Variants in MVB12B observed in about 807,000 individuals in gnomAD.
MVB12B encodes multivesicular body subunit 12B.
A neutral mutation model predicts 41.6 loss-of-function variants in MVB12B; 16 were observed. The ratio of observed to expected loss-of-function variants is 0.38; its 90% CI spans 0.26 to 0.58. The LOEUF is 0.58. Ranked by LOEUF, MVB12B falls within the 20% of genes least tolerant of loss-of-function variation. The pLI, the probability that MVB12B is intolerant of heterozygous loss-of-function variation, is 0.62. For missense variants in MVB12B, 274 were observed against 380.2 expected (o/e 0.72, Z 2.32); for synonymous variants, 133 against 139.7 (o/e 0.95, Z 0.34).
chr9:126,432,940 A>G (rs561370511), intron 7 of MVB12B, among the ~76,000 whole-genome samples: 1 of 152,268 alleles, frequency 6.6e-6, no homozygotes, highest in East Asian at 1.9e-4. Context: ...GGGCCCCTGG[A>G]TGATCATCTC....
intron 6 of MVB12B, among the ~76,000 whole-genome samples, chr9:126,399,720 A>T (rs1831215672): frequency 6.6e-6 from 1 of 152,222 alleles, no homozygotes; most frequent in African/African-American, 2.4e-5. Context: ...GTGTCGACCC[A>T]GGAGGAGTCC....
At chr9:126,439,125 T>C (rs1243069221) in intron 7 of MVB12B, among the ~76,000 whole-genome samples, 5 of 152,116 alleles carry the variant, frequency 3.3e-5, no homozygotes, top group African/African-American at 1.2e-4. Context: ...GCAACACTGA[T>C]TGCTCTTCAT....
At chr9:126,369,864 G>A (rs928514745) in intron 2 of MVB12B, among the ~76,000 whole-genome samples, 7 of 152,088 alleles carry the variant, frequency 4.6e-5, no homozygotes, top group African/African-American at 1.7e-4. Context: ...TGTTGGTCAG[G>A]CTGGTCTCGA....
At position 126,333,191 on chromosome 9, in the gene MVB12B, A is replaced by T. The variant is rs997390270; in HGVS notation, c.81+6181A>T. Reference sequence around the variant, plus strand: ...AACCTCCGCCACCCAGGTTCAAGTGATTCTTCTGCCTCAGCCTCCCGAGTA... The same window carrying T: ...AACCTCCGCCACCCAGGTTCAAGTGTTTCTTCTGCCTCAGCCTCCCGAGTA... On this transcript the variant is annotated intron_variant, in intron 1 of 9. Coordinates refer to ENST00000361171, the MANE Select transcript of MVB12B (RefSeq NM_033446.3). This position sits in a 1 kb window ranked among gnomAD's most constrained non-coding sequence, Gnocchi z 4.7. Among the ~76,000 whole-genome samples, 9 of 152,046 alleles carry T rather than the reference A, an allele frequency of 5.9e-5. No homozygotes were observed. Among genetic ancestry groups the T allele is most frequent in the Admixed American group, 2.0e-4 (3 of 15,268 alleles).
chr9:126,355,906 A>G (rs1250001125), intron 2 of MVB12B, among the ~76,000 whole-genome samples: 5 of 152,160 alleles, frequency 3.3e-5, no homozygotes, highest in Non-Finnish European at 4.4e-5. Flanking sequence ...TTATCACCCC[A>G]AAAGGAAATC....
intron 2 of MVB12B, among the ~76,000 whole-genome samples, chr9:126,348,564 C>G (rs755295321): frequency 6.6e-5 from 10 of 152,152 alleles, no homozygotes; most frequent in Non-Finnish European, 1.3e-4. Flanking sequence ...TGACTTGTTC[C>G]GTAGTTGATT....
chr9:126,358,965 A>G (rs1412461151), intron 2 of MVB12B, among the ~76,000 whole-genome samples: 2 of 152,220 alleles, frequency 1.3e-5, no homozygotes, highest in East Asian at 3.8e-4. Flanking sequence ...GTACCCTTCC[A>G]GAGGGTTTTT....
chr9:126,418,636 A>AC (rs1203767752), intron 6 of MVB12B, among the ~76,000 whole-genome samples: 1 of 152,050 alleles, frequency 6.6e-6, no homozygotes, highest in African/African-American at 2.4e-5. Context: ...GAAAGGCAGA[A>AC]CCCATGCTGG....
intron 2 of MVB12B, among the ~76,000 whole-genome samples, chr9:126,372,485 C>T (rs1213516846): frequency 6.6e-6 from 1 of 152,276 alleles, no homozygotes; most frequent in Middle Eastern, 3.4e-3. Context: ...TGTTACAATC[C>T]CACCAGAAGT....
chr9:126,464,568 G>A (rs896877787), intron 7 of MVB12B, among the ~76,000 whole-genome samples: 6 of 152,220 alleles, frequency 3.9e-5, no homozygotes, highest in East Asian at 1.9e-4. Flanking sequence ...TGATATTGAC[G>A]TGGGAATATT....
chr9:126,419,941 C>T (rs901781804), intron 6 of MVB12B, among the ~76,000 whole-genome samples: 1 of 152,136 alleles, frequency 6.6e-6, no homozygotes, highest in South Asian at 2.1e-4. Flanking sequence ...GGAGTTTGAA[C>T]CCAAGCCTCT....
chr9:126,477,942 A>G (rs1394134794), intron 7 of MVB12B, among the ~76,000 whole-genome samples: 1 of 152,270 alleles, frequency 6.6e-6, no homozygotes, highest in East Asian at 1.9e-4. Flanking sequence ...GGGACCACCT[A>G]TGTTTCTAGA....
rs201677274 is a variant in MVB12B, at chr9:126,421,969, A to C, written c.757+21A>C. On this transcript the variant is annotated intron_variant, in intron 7 of 9. Coordinates refer to ENST00000361171, the MANE Select transcript of MVB12B (RefSeq NM_033446.3). ...ATCAGGTATGTGGAGCCACCGCTGCAGGCCAGCTACAGAGTCTGTGTCCCG... is the reference window on the plus strand; with the variant it reads ...ATCAGGTATGTGGAGCCACCGCTGCCGGCCAGCTACAGAGTCTGTGTCCCG... The C allele has an allele frequency of 2.5e-6, 4 of 1,571,672 alleles. No individual in the cohort carries two copies. The Admixed American group carries it at 6.7e-5, about 26-fold the overall frequency.
chr9:126,466,682 G>C (rs769071476), intron 7 of MVB12B, among the ~76,000 whole-genome samples: 1 of 152,094 alleles, frequency 6.6e-6, no homozygotes, highest in Non-Finnish European at 1.5e-5. Flanking sequence ...ATACACTTTA[G>C]AGCACTTTCT....
intron 7 of MVB12B, among the ~76,000 whole-genome samples, chr9:126,477,400 A>T (rs1833443500): frequency 6.6e-6 from 1 of 152,234 alleles, no homozygotes; most frequent in South Asian, 2.1e-4. Context: ...TTGATATCTA[A>T]GTTTTACAAG....
At chr9:126,418,530 C>T (rs376508217) in intron 6 of MVB12B, among the ~76,000 whole-genome samples, 15 of 152,088 alleles carry the variant, frequency 9.9e-5, no homozygotes, top group South Asian at 2.1e-4. Flanking sequence ...TCCACATTGG[C>T]GCCTTAGTTT....
intron 7 of MVB12B, among the ~76,000 whole-genome samples, chr9:126,431,255 TTC>T (rs1832322888): frequency 6.6e-6 from 1 of 152,242 alleles, no homozygotes; most frequent in African/African-American, 2.4e-5. Flanking sequence ...AGCCGAGACA[TTC>T]TGTCACGCAT....
chr9:126,498,627 C>T (rs1272935833), intron 9 of MVB12B, among the ~76,000 whole-genome samples: 2 of 152,174 alleles, frequency 1.3e-5, no homozygotes, highest in Admixed American at 6.5e-5. Context: ...AGCGCCTGCC[C>T]CCTGCGCCTC....
chr9:126,443,474 T>A (rs1832692512), intron 7 of MVB12B, among the ~76,000 whole-genome samples: 1 of 152,112 alleles, frequency 6.6e-6, no homozygotes, highest in South Asian at 2.1e-4. Context: ...TGATATTTCT[T>A]CCTCTTTTAA....
Sources: gnomAD v4.1 joint callset for allele counts (sites outside exome capture counted in the v4.1 genomes callset) on GRCh38, gnomAD v4.1.1 for gene constraint, Gnocchi (gnomAD v3.1) non-coding constraint, MANE v1.5 for transcripts, NCBI Gene and HGNC (gene_info 2026-07-23, HGNC 2026-07-21) for gene names.